Variants in PMPCA observed in about 807,000 individuals in gnomAD.
PMPCA encodes mitochondrial-processing peptidase subunit alpha.
In PMPCA, 47 loss-of-function variants were observed where a neutral mutation model predicts 59.3. The ratio of observed to expected loss-of-function variants is 0.79; its 90% CI spans 0.63 to 1.01. The LOEUF (loss-of-function observed/expected upper bound fraction) is 1.01, where lower values mean the gene tolerates loss of function less well. PMPCA is among the 50% of genes least tolerant of loss of function. The pLI, the probability that PMPCA is intolerant of heterozygous loss-of-function variation, is 0.00. For synonymous variants in PMPCA, 338 were observed against 290.3 expected (o/e 1.16, Z -1.67); for missense variants, 726 against 704.5 (o/e 1.03, Z -0.34).
chr9:136,419,493 G>A (rs1588820013), intron 11 of PMPCA: 7 of 361,590 alleles, frequency 1.9e-5, no homozygotes, highest in Non-Finnish European at 3.7e-5. Flanking sequence ...TGACTGGGGT[G>A]AAGCAGCTCG....
intron 8 of PMPCA, 133 bp downstream of exon 8, chr9:136,418,242 C>A: frequency 1.4e-6 from 1 of 714,570 alleles, no homozygotes. Context: ...TGCCCTCTGT[C>A]CCTGGCATCC....
intron 4 of PMPCA, 104 bp downstream of exon 4, chr9:136,412,996 A>G: frequency 1.3e-6 from 1 of 750,182 alleles, no homozygotes; most frequent in Admixed American, 2.1e-5. Context: ...AGGTGTGGAG[A>G]TTCACGGGGA....
At chr9:136,416,656 C>G in intron 6 of PMPCA, 1 of 594,646 alleles carries the variant, frequency 1.7e-6, no homozygotes, top group African/African-American at 1.9e-5. Flanking sequence ...TTAGAACATT[C>G]TTGATTTCTG....
rs368269895 is a variant in PMPCA at position 136,418,073 on chromosome 9, G to A, written c.954G>A (p.Thr318=). The change falls in exon 8 of 13, where the codon ACG becomes ACA. Residue 318 remains threonine, a synonymous_variant. Transcript: ENST00000371717. ...GCCCGACCCCCATCCCCGAGCTCAC[G>A]CACATCATGGTTGGACTGGAGAGCT... ...SLGPTPIPEL[T]HIMVGLESCS... is the part of the protein sequence containing the mutation. The A allele has an allele frequency of 2.0e-5, 33 of 1,613,626 alleles. No individual in the cohort carries two copies. Among genetic ancestry groups the A allele is most frequent in the African/African-American group, 4.0e-5 (3 of 74,928 alleles).
At chr9:136,412,738 AT>A (rs1398080997) in intron 3 of PMPCA, 71 bp from the exon 4 acceptor site, 1 of 993,256 alleles carries the variant, frequency 1.0e-6, no homozygotes, top group Non-Finnish European at 1.6e-6. Flanking sequence ...GCAAAAGTAG[AT>A]TTTAAAAAAA....
chr9:136,415,235 G>T (rs916198821), intron 5 of PMPCA, among the ~76,000 whole-genome samples: 5 of 152,286 alleles, frequency 3.3e-5, no homozygotes, highest in Middle Eastern at 3.4e-3. Context: ...GCAAGACTCT[G>T]TTCTCCACAA....
Position 136,418,656 on chromosome 9 carries a change from C to T in PMPCA, c.1092C>T (p.Tyr364=), listed in dbSNP as rs745597307. Residue 364 remains tyrosine, a synonymous_variant, in exon 9 of 13, where the codon TAC becomes TAT. Transcript: ENST00000371717. Reference sequence around the variant, plus strand: ...GCAAGGGCATGTTCTCCAGGCTCTACCTCAACGTGCTCAACAGGTGGGTTG... The same window carrying T: ...GCAAGGGCATGTTCTCCAGGCTCTATCTCAACGTGCTCAACAGGTGGGTTG... ...GPGKGMFSRL[Y]LNVLNRHHWM... is the part of the protein sequence containing the mutation. The T allele has an allele frequency of 2.5e-6, 4 of 1,609,698 alleles. No individual in the cohort carries two copies. Among genetic ancestry groups the T allele is most frequent in the South Asian group, 2.2e-5 (2 of 90,990 alleles).
Position 136,412,151 on chromosome 9 carries a change from C to T in PMPCA, c.226C>T (p.Leu76Phe). The T allele has an allele frequency of 6.2e-7, 1 of 1,614,022 alleles. No homozygotes were observed. Among genetic ancestry groups the T allele is most frequent in the Non-Finnish European group, 8.5e-7 (1 of 1,179,924 alleles). ...ETKVTTLDNG[L>F]RVASQNKFGQ... ...CAAAGTAACCACATTGGATAATGGG[C>T]TTCGCGTGGCATCTCAGAATAAGTT... Residue 76 changes from leucine (L) to phenylalanine (F), a missense_variant, in exon 2 of 13, where the codon CTT (leucine) becomes TTT (phenylalanine). Coordinates refer to ENST00000371717, the MANE Select transcript of PMPCA (RefSeq NM_015160.3).
intron 11 of PMPCA, chr9:136,419,548 T>A (rs573924980): frequency 1.6e-4 from 41 of 249,368 alleles, no homozygotes; most frequent in African/African-American, 6.4e-4. Flanking sequence ...TTTCCCTGGC[T>A]CCATTCTATG....
Position 136,423,138 on chromosome 9 carries a change from G to C in PMPCA, c.1452G>C (p.Met484Ile). The C allele has an allele frequency of 6.2e-7, 1 of 1,613,530 alleles. No homozygotes were observed. The highest frequency in any genetic ancestry group is 8.5e-7 in the Non-Finnish European group (1 of 1,179,938). ...ATGTGAAGAGAGTCGCTTCTAAGAT[G>C]CTCCGAGGGAAGCCGGCAGTGGCCG... The part of the protein sequence containing the change: ...PEDVKRVASK[M>I]LRGKPAVAAL... Residue 484 changes from methionine to isoleucine, a missense_variant, in exon 13 of 13, where the codon ATG (methionine) becomes ATC (isoleucine). Transcript: ENST00000371717.
In PMPCA at chr9:136,419,085, A is replaced by T; in HGVS notation, c.1242A>T (p.Leu414Phe). 1 of 1,613,934 alleles carries T rather than the reference A, an allele frequency of 6.2e-7. No individual in the cohort carries two copies. The highest frequency in any genetic ancestry group is 1.7e-4 in the Middle Eastern group (1 of 6,060). The change falls in exon 11 of 13, where the codon TTA (leucine) becomes TTT (phenylalanine). Residue 414 changes from leucine (L) to phenylalanine (F), a missense_variant. Physicochemically the swap from Leu to Phe is conservative, Grantham distance 22. Coordinates refer to ENST00000371717, the MANE Select transcript of PMPCA (RefSeq NM_015160.3). ...AAATCATCACAAAGGAGTTTATTTT[A>T]ATGGGCGGAACCGTGGACACGGTAA... is the stretch of plus-strand genomic sequence containing the variant. Reference protein sequence around the residue: ...MVEIITKEFILMGGTVDTVEL... With the variant: ...MVEIITKEFIFMGGTVDTVEL...
In PMPCA at chr9:136,416,945, C is replaced by T. The variant is rs1835293881; in HGVS notation, c.634-6C>T. 1 of 1,604,658 alleles carries T rather than the reference C, an allele frequency of 6.2e-7. No individual in the cohort carries two copies. Among genetic ancestry groups the T allele is most frequent in the African/African-American group, 1.3e-5 (1 of 74,800 alleles). On this transcript the variant is annotated splice_region_variant and splice_polypyrimidine_tract_variant and intron_variant, in intron 6 of 12. Transcript: ENST00000371717. ...GTCACCTGTGTCTGTGGCTCTTCCCCATTAGGCGGCTTACAGGGAGAACAC... is the reference window on the plus strand; with the variant it reads ...GTCACCTGTGTCTGTGGCTCTTCCCTATTAGGCGGCTTACAGGGAGAACAC...
intron 11 of PMPCA, 186 bp downstream of exon 11, chr9:136,419,292 G>A (rs964598272): frequency 4.6e-5 from 31 of 672,972 alleles, no homozygotes; most frequent in Middle Eastern, 3.4e-4. Context: ...CTGGGAGCCC[G>A]CTGAGGCTGT....
intron 12 of PMPCA, chr9:136,422,569 C>T (rs1835487988): frequency 9.8e-7 from 1 of 1,016,054 alleles, no homozygotes. Flanking sequence ...GTCCCGGGCA[C>T]TTGCCCTGTC....
Position 136,423,413 on chromosome 9 carries a change from C to G in PMPCA, c.*149C>G, listed in dbSNP as rs1457706615. On this transcript the variant is annotated 3_prime_UTR_variant, in exon 13 of 13. Transcript: ENST00000371717. ...CCACAGCACCCACGCGGTTTGCATT[C>G]TTTTGGAACTCAATGTGCCGATCAG... is the stretch of plus-strand genomic sequence containing the variant. The G allele has an allele frequency of 1.2e-5, 9 of 779,564 alleles. No homozygotes were observed. In the East Asian group the frequency reaches 2.4e-4, roughly 21 times the overall value. The allele number at this position is 779,564 out of a possible 1,614,324, so 48.3% of individuals were successfully genotyped here. A position where few individuals can be genotyped will look rare whatever the true frequency, so the allele number is the denominator to read the frequency against.
intron 7 of PMPCA, 142 bp downstream of exon 7, chr9:136,417,356 C>A: frequency 1.6e-6 from 1 of 631,278 alleles, no homozygotes. Context: ...TGTAGTCCCA[C>A]AGCAGGGCAT....
At position 136,413,109 on chromosome 9, in the gene PMPCA, T is replaced by TG. The variant is rs1740659281; in HGVS notation, c.437+219dup. 1.2e-5 allele frequency: 6 copies of TG among 521,652 alleles called. No homozygotes were observed. The South Asian group carries it at 1.3e-4, about 12-fold the overall frequency. 32.3% of individuals were successfully genotyped at this position (521,652 alleles called of 1,614,324 possible). A position where few individuals can be genotyped will look rare whatever the true frequency, so the allele number is the denominator to read the frequency against. On this transcript the variant is annotated intron_variant, in intron 4 of 12. Transcript: ENST00000371717. The stretch of plus-strand genomic sequence containing the variant: ...ACCCCCGTCAGTTCCTCCAGGCTGT[T>TG]GGCTGCATGCCAGGGATGTAGAGCA...
chr9:136,422,947 T>C, intron 12 of PMPCA, 148 bp from the exon 13 acceptor site: 1 of 1,444,330 alleles, frequency 6.9e-7, no homozygotes, highest in Non-Finnish European at 9.1e-7. Context: ...CTACACCCAG[T>C]GGCTGCCTTT....
In PMPCA at chr9:136,412,021, G is replaced by C. The variant is rs757760491; in HGVS notation, c.96G>C (p.Arg32=). The change falls in exon 2 of 13, where the codon CGG becomes CGC. Residue 32 remains arginine (R), a synonymous_variant. Coordinates refer to ENST00000371717, the MANE Select transcript of PMPCA (RefSeq NM_015160.3). ...GGTTTGGACCTCCTGCGTACAGACG[G>C]TTTAGTAGTGGTGGTGCCTATCCCA... ...RLRFGPPAYR[R]FSSGGAYPNI... 7 of 1,612,684 alleles carry C rather than the reference G, an allele frequency of 4.3e-6. No homozygotes were observed. Among genetic ancestry groups the C allele is most frequent in the Non-Finnish European group, 5.9e-6 (7 of 1,178,892 alleles).
Sources: gnomAD v4.1 joint callset for allele counts (sites outside exome capture counted in the v4.1 genomes callset) on GRCh38, gnomAD v4.1.1 for gene constraint, MANE v1.5 for transcripts, NCBI Gene and HGNC (gene_info 2026-07-23, HGNC 2026-07-21) for gene names.